DNM1: variants seen among roughly 807,000 people sequenced by gnomAD.
The protein encoded by DNM1 is dynamin-1.
In DNM1, 29 loss-of-function variants were observed where a neutral mutation model predicts 104.6. That is an observed-to-expected ratio of 0.28 (90% CI 0.21 to 0.38). The LOEUF is 0.38. DNM1 is among the 10% of genes least tolerant of loss of function. The pLI is 1.00. For missense variants in DNM1, 640 were observed against 1,189.4 expected (o/e 0.54, Z 6.79); for synonymous variants, 445 against 475.8 (o/e 0.94, Z 0.84).
In DNM1 at chr9:128,222,167, C is replaced by G; in HGVS notation, c.850-30C>G. 1 of 1,597,180 alleles carries G rather than the reference C, an allele frequency of 6.3e-7. No individual in the cohort carries two copies. The highest frequency in any genetic ancestry group is 8.5e-7 in the Non-Finnish European group (1 of 1,171,342). ...CCTTCCTGGCCCTGTGACCATCTGT[C>G]CTCAACCCTTTCCTCACCCTTACCC... On this transcript the variant is annotated intron_variant, in intron 6 of 21. Coordinates refer to ENST00000372923, the MANE Select transcript of DNM1 (RefSeq NM_004408.4). This position sits in a 1 kb window ranked among gnomAD's most constrained non-coding sequence, Gnocchi z 7.8.
Position 128,218,298 on chromosome 9 carries a change from A to G in DNM1, c.229A>G (p.Thr77Ala). The G allele has an allele frequency of 1.9e-6, 3 of 1,613,982 alleles. No individual in the cohort carries two copies. The highest frequency in any genetic ancestry group is 2.5e-6 in the Non-Finnish European group (3 of 1,179,974). ...RPLVLQLVNA[T>A]TEYAEFLHCK... ...CCTGGTCTTGCAGCTGGTCAATGCA[A>G]CCACAGGTACGTGCCCTCCTTCACC... is the stretch of plus-strand genomic sequence containing the variant. Residue 77 changes from threonine to alanine, a missense_variant, in exon 2 of 22, where the codon ACC (threonine) becomes GCC (alanine). Transcript: ENST00000372923. This position sits in a 1 kb window ranked among gnomAD's most constrained non-coding sequence, Gnocchi z 4.8.
chr9:128,248,790 T>C lies in DNM1; in HGVS notation c.2076+37T>C. The C allele has an allele frequency of 6.3e-7, 1 of 1,596,874 alleles. No individual in the cohort carries two copies. Among genetic ancestry groups the C allele is most frequent in the Non-Finnish European group, 8.6e-7 (1 of 1,166,966 alleles). The stretch of plus-strand genomic sequence containing the variant: ...ACTGCATGGGGGCAGGGAAATCCTG[T>C]GGCACTGGGGATGCAGGTGGCCATG... On this transcript the variant is annotated intron_variant, in intron 19 of 21. Transcript: ENST00000372923. This position sits in a 1 kb window ranked among gnomAD's most constrained non-coding sequence, Gnocchi z 5.6.
At chr9:128,244,290 T>C (rs1836607415) in intron 15 of DNM1, among the ~76,000 whole-genome samples, 1 of 151,282 alleles carries the variant, frequency 6.6e-6, no homozygotes, top group African/African-American at 2.4e-5. Context: ...GGGACATGGG[T>C]GTGAGATTGA....
Position 128,245,810 on chromosome 9 carries a change from GCACA to G in DNM1, c.1672-575_1672-572del, listed in dbSNP as rs200017619. ...TGGGCACCTCCCCAGATACACATGT[GCACA>G]CACACACAATAGCTGATAGGATATG... is the stretch of plus-strand genomic sequence containing the variant. On this transcript the variant is annotated intron_variant, in intron 15 of 21. Coordinates refer to ENST00000372923, the MANE Select transcript of DNM1 (RefSeq NM_004408.4). The surrounding 1 kb of genome is among the most constrained non-coding windows in gnomAD (Gnocchi z 5.2). Among the ~76,000 whole-genome samples the G allele has an allele frequency of 1.3e-5, 2 of 152,156 alleles. No homozygotes were observed. Among genetic ancestry groups the G allele is most frequent in the African/African-American group, 4.8e-5 (2 of 41,424 alleles).
chr9:128,253,355 C>CA lies in DNM1; in HGVS notation c.2535-1298dup. The CA allele has an allele frequency of 1.7e-6, 1 of 582,734 alleles. No individual in the cohort carries two copies. The highest frequency in any genetic ancestry group is 3.1e-6 in the Non-Finnish European group (1 of 326,276). The allele number at this position is 582,734 out of a possible 1,614,324, so 36.1% of individuals were successfully genotyped here. The stretch of plus-strand genomic sequence containing the variant: ...ACTCAGTGCCACTGCCCAAGGCCTC[C>CA]ATGGCTGAGCCTGGAGGCTCTTGGA... On this transcript the variant is annotated intron_variant, in intron 21 of 21. Transcript: ENST00000372923. This position sits in a 1 kb window ranked among gnomAD's most constrained non-coding sequence, Gnocchi z 5.9.
At chr9:128,233,641 C>A in intron 10 of DNM1, 1 of 234,678 alleles carries the variant, frequency 4.3e-6, no homozygotes, top group Non-Finnish European at 8.5e-6. Flanking sequence ...CAGGGTAGCC[C>A]TGAGTATGAG....
At chr9:128,225,453 C>G (rs1401597548) in intron 10 of DNM1, among the ~76,000 whole-genome samples, 1 of 152,204 alleles carries the variant, frequency 6.6e-6, no homozygotes, top group African/African-American at 2.4e-5. Context: ...AATGGACCCC[C>G]CTGGAGTTGT....
In DNM1 at chr9:128,219,953, G is replaced by GCA. The variant is rs763165088; in HGVS notation, c.590-34_590-33dup. 199 of 1,499,392 alleles carry GCA rather than the reference G, an allele frequency of 1.3e-4. 1 individual carries two copies. The highest frequency in any genetic ancestry group is 4.3e-4 in the South Asian group (34 of 79,356). 92.9% of individuals were successfully genotyped at this position (1,499,392 alleles called of 1,614,324 possible). On this transcript the variant is annotated intron_variant, in intron 4 of 21. Coordinates refer to ENST00000372923, the MANE Select transcript of DNM1 (RefSeq NM_004408.4). The stretch of plus-strand genomic sequence containing the variant: ...CATGGAATTGTGTGTGAGAGCGGGT[G>GCA]CAGCTGTAGACGGCCCTCCTGCTGG...
chr9:128,222,985 G>A lies in DNM1; in HGVS notation c.1196+125G>A, dbSNP rs951462060. 8 of 953,632 alleles carry A rather than the reference G, an allele frequency of 8.4e-6. No individual in the cohort carries two copies. The highest frequency in any genetic ancestry group is 1.1e-5 in the Non-Finnish European group (7 of 627,986). 59.1% of individuals were successfully genotyped at this position (953,632 alleles called of 1,614,324 possible). A position where few individuals can be genotyped will look rare whatever the true frequency, so the allele number is the denominator to read the frequency against. ...GAAAGCTCTGTTCCCCAGTCCTCTC[G>A]ACCCCAACTTTCTGGCTCCCTGCAT... On this transcript the variant is annotated intron_variant, in intron 9 of 21. Coordinates refer to ENST00000372923, the MANE Select transcript of DNM1 (RefSeq NM_004408.4). This position sits in a 1 kb window ranked among gnomAD's most constrained non-coding sequence, Gnocchi z 7.8.
rs1019016495 is a variant in DNM1 at position 128,243,657 on chromosome 9, C to G, written c.1671+1312C>G. ...GGCTTCCTGCCGGTCTCTCTGCAGG[C>G]TCCCTAGATGCCCCCATGGGTTTGG... On this transcript the variant is annotated intron_variant, in intron 15 of 21. Coordinates refer to ENST00000372923, the MANE Select transcript of DNM1 (RefSeq NM_004408.4). This position sits in a 1 kb window ranked among gnomAD's most constrained non-coding sequence, Gnocchi z 4.0. Among the ~76,000 whole-genome samples the G allele has an allele frequency of 6.6e-6, 1 of 152,196 alleles. No homozygotes were observed. Among genetic ancestry groups the G allele is most frequent in the Non-Finnish European group, 1.5e-5 (1 of 68,026 alleles).
intron 21 of DNM1, chr9:128,251,359 T>C (rs1829511518): frequency 2.9e-6 from 1 of 349,548 alleles, no homozygotes; most frequent in Admixed American, 3.6e-5. Flanking sequence ...TGAACCCCGA[T>C]CTGCTCTGAG....
intron 21 of DNM1, 169 bp downstream of exon 21, chr9:128,251,109 G>A (rs956590804): frequency 3.1e-6 from 2 of 652,452 alleles, no homozygotes; most frequent in African/African-American, 1.8e-5. Context: ...GAGGGCTGGC[G>A]GAGCCTGCCC....
intron 11 of DNM1, 97 bp downstream of exon 11, chr9:128,234,204 T>C: frequency 1.1e-6 from 1 of 949,892 alleles, no homozygotes; most frequent in Non-Finnish European, 1.5e-6. Context: ...CTTCTTGTTT[T>C]GTCTCTTCTG....
intron 10 of DNM1, among the ~76,000 whole-genome samples, chr9:128,230,508 T>A (rs986840150): frequency 2.0e-5 from 3 of 151,394 alleles, no homozygotes; most frequent in African/African-American, 7.3e-5. Flanking sequence ...TGGAGTGCAA[T>A]GGCGCAATCT....
At chr9:128,216,901 C>T (rs1834638536) in intron 1 of DNM1, among the ~76,000 whole-genome samples, 1 of 152,200 alleles carries the variant, frequency 6.6e-6, no homozygotes, top group South Asian at 2.1e-4. Context: ...CCTCGGGCTT[C>T]AACCTGTTCC....
Position 128,240,002 on chromosome 9 carries a change from TACCAGG to T in DNM1, c.1557+9_1557+14del. ...CTTTGCAGGATGAGATTCTGGTGAGTACCAGGACTGGGGCTCTCGGCTTGTGTAGTG... is the reference window on the plus strand; with the variant it reads ...CTTTGCAGGATGAGATTCTGGTGAGTACTGGGGCTCTCGGCTTGTGTAGTG... On this transcript the variant is annotated splice_region_variant and intron_variant, in intron 14 of 21. Transcript: ENST00000372923. This position sits in a 1 kb window ranked among gnomAD's most constrained non-coding sequence, Gnocchi z 5.1. The T allele has an allele frequency of 6.2e-7, 1 of 1,613,982 alleles. No homozygotes were observed. Among genetic ancestry groups the T allele is most frequent in the Non-Finnish European group, 8.5e-7 (1 of 1,179,954 alleles).
At position 128,250,369 on chromosome 9, in the gene DNM1, G is replaced by T; in HGVS notation, c.2318+13G>T. 1 of 1,558,402 alleles carries T rather than the reference G, an allele frequency of 6.4e-7. No individual in the cohort carries two copies. ...CGGCCGGACGCAGGTACCAGGGCCG[G>T]CCCCCACGGCCCCAAAGCCCCCCAG... On this transcript the variant is annotated intron_variant, in intron 20 of 21. Coordinates refer to ENST00000372923, the MANE Select transcript of DNM1 (RefSeq NM_004408.4).
rs544448633 is a variant in DNM1 at position 128,238,180 on chromosome 9, T to C, written c.1423-1265T>C. Among the ~76,000 whole-genome samples the C allele has an allele frequency of 6.5e-4, 99 of 152,204 alleles. No homozygotes were observed. In the Middle Eastern group the frequency reaches 0.02, roughly 31 times the overall value. On this transcript the variant is annotated intron_variant, in intron 11 of 21. Coordinates refer to ENST00000372923, the MANE Select transcript of DNM1 (RefSeq NM_004408.4). ...ATGAGAGAGCTCATTTCCCAACACT[T>C]GTGTCATGCTGATCATTTAAAAAGC...
rs1829666039 is a variant in DNM1 at position 128,253,639 on chromosome 9, G to A, written c.2535-1015G>A. ...GAGCCAAATCCACCGTAGAGCAGGG[G>A]TGAGAGTCAGGGTCCCACCTCCTCT... On this transcript the variant is annotated intron_variant, in intron 21 of 21. Transcript: ENST00000372923. The surrounding 1 kb of genome is among the most constrained non-coding windows in gnomAD (Gnocchi z 5.9). The A allele has an allele frequency of 9.6e-6, 2 of 208,942 alleles. No homozygotes were observed. The highest frequency in any genetic ancestry group is 2.2e-4 in the East Asian group (2 of 9,124). 12.9% of individuals were successfully genotyped at this position (208,942 alleles called of 1,614,324 possible). A position where few individuals can be genotyped will look rare whatever the true frequency, so the allele number is the denominator to read the frequency against.
Sources: gnomAD v4.1 joint callset for allele counts (sites outside exome capture counted in the v4.1 genomes callset) on GRCh38, gnomAD v4.1.1 for gene constraint, Gnocchi (gnomAD v3.1) non-coding constraint, MANE v1.5 for transcripts, NCBI Gene and HGNC (gene_info 2026-07-23, HGNC 2026-07-21) for gene names.